The following LVRN variants were observed in gnomAD, a reference collection of about 807,000 sequenced individuals.
LVRN encodes aminopeptidase Q.
A neutral mutation model predicts 111.4 loss-of-function variants in LVRN; 99 were observed. The ratio of observed to expected loss-of-function variants is 0.89; its 90% CI spans 0.76 to 1.05. The LOEUF (loss-of-function observed/expected upper bound fraction) is 1.05, where lower values mean the gene tolerates loss of function less well. Among genes scored for constraint, LVRN ranks in the 50% least tolerant of loss-of-function variants. The pLI is 0.00. For missense variants in LVRN, 1,414 were observed against 1,206.8 expected (o/e 1.17, Z -2.54); for synonymous variants, 488 against 449.5 (o/e 1.09, Z -1.08).
chr5:115,975,292 C>G, intron 1 of LVRN: 1 of 354,352 alleles, frequency 2.8e-6, no homozygotes, highest in South Asian at 2.8e-5. Flanking sequence ...ACTTCTCAGG[C>G]TGACAAAGTT....
Position 116,023,091 on chromosome 5 carries a change from A to C in LVRN, c.2832+625A>C, listed in dbSNP as rs149666719. On this transcript the variant is annotated intron_variant, in intron 19 of 19. Coordinates refer to ENST00000357872, the MANE Select transcript of LVRN (RefSeq NM_173800.5). ...CTGGATAATTCCTAATCATCCTTTA[A>C]GATCCTGCTCCTATTACCTATTCTA... 3.1e-3 allele frequency among the ~76,000 whole-genome samples: 476 copies of C among 152,296 alleles called. 3 individuals are homozygous for C. The highest frequency in any genetic ancestry group is 6.8e-3 in the Middle Eastern group (2 of 294).
At position 116,015,773 on chromosome 5, in the gene LVRN, G is replaced by A. The variant is rs776498312; in HGVS notation, c.2756+8G>A. ...GCAAGCTGTGAGTAAAAGGTAAGAA[G>A]GAAAGTGAGACCTTTCTTTCATTTA... On this transcript the variant is annotated splice_region_variant and intron_variant, in intron 18 of 19. Transcript: ENST00000357872. The A allele has an allele frequency of 5.0e-6, 8 of 1,612,338 alleles. No individual in the cohort carries two copies. The South Asian group carries it at 8.8e-5, about 18-fold the overall frequency.
intron 15 of LVRN, among the ~76,000 whole-genome samples, chr5:116,013,524 G>A (rs1748533866): frequency 1.3e-5 from 2 of 152,152 alleles, no homozygotes; most frequent in Admixed American, 1.3e-4. Context: ...ACTCCAGCTT[G>A]TTGCTACCGG....
intron 16 of LVRN, 51 bp downstream of exon 16, chr5:116,014,578 C>G (rs748618904): frequency 6.8e-7 from 1 of 1,460,564 alleles, no homozygotes; most frequent in Non-Finnish European, 9.6e-7. Context: ...TTAGCACCAG[C>G]AATTTCCCTT....
At chr5:116,025,934 G>T (rs751152135) in intron 19 of LVRN, 44 bp from the exon 20 acceptor site, 2 of 1,603,794 alleles carry the variant, frequency 1.2e-6, no homozygotes, top group South Asian at 1.1e-5. Flanking sequence ...TTGTCCAAAT[G>T]GGAAGTTGGA....
Position 115,967,170 on chromosome 5 carries a change from C to A in LVRN, c.695+3858C>A, listed in dbSNP as rs1753220986. Among the ~76,000 whole-genome samples the A allele has an allele frequency of 2.0e-5, 3 of 151,940 alleles. No individual in the cohort carries two copies. The South Asian group carries it at 6.2e-4, about 32-fold the overall frequency. On this transcript the variant is annotated intron_variant, in intron 1 of 19. Transcript: ENST00000357872. ...GTTTTACTTTAATTTTGATGAAGTCCAATTTGTCTATTTTTTAATGGATCA... is the reference window on the plus strand; with the variant it reads ...GTTTTACTTTAATTTTGATGAAGTCAAATTTGTCTATTTTTTAATGGATCA...
chr5:116,005,763 C>T (rs747533777), intron 12 of LVRN, 149 bp from the exon 13 acceptor site: 1 of 705,818 alleles, frequency 1.4e-6, no homozygotes, highest in South Asian at 1.5e-5. Context: ...TGGGGACTGT[C>T]CTCAGTAATT....
chr5:116,009,921 G>T (rs143433854), intron 13 of LVRN, among the ~76,000 whole-genome samples: 14 of 152,316 alleles, frequency 9.2e-5, no homozygotes, highest in Non-Finnish European at 1.9e-4. Flanking sequence ...TGTGTGAGGG[G>T]ATTGACTCCA....
chr5:115,978,190 G>GT (rs898169655), intron 1 of LVRN, among the ~76,000 whole-genome samples: 78 of 152,244 alleles, frequency 5.1e-4, no homozygotes, highest in Non-Finnish European at 1.0e-4. Context: ...GAATTTGTAA[G>GT]TCTCAAAACG....
intron 1 of LVRN, chr5:115,974,803 AG>A: frequency 3.5e-6 from 1 of 285,138 alleles, no homozygotes. Flanking sequence ...TCAAGACCTC[AG>A]GATGTTATGT....
intron 18 of LVRN, chr5:116,020,059 C>T (rs1360397189): frequency 6.6e-6 from 1 of 152,250 alleles, no homozygotes; most frequent in Non-Finnish European, 1.5e-5. Flanking sequence ...TCCTAGAAAG[C>T]CTAATCTGGA....
At chr5:116,022,265 T>C (rs1748745591) in intron 18 of LVRN, 126 bp from the exon 19 acceptor site, 2 of 668,004 alleles carry the variant, frequency 3.0e-6, no homozygotes, top group Non-Finnish European at 5.3e-6. Flanking sequence ...TCATACATGT[T>C]TTTACTTAGA....
chr5:116,011,424 A>G (rs975080619), intron 14 of LVRN, among the ~76,000 whole-genome samples: 3 of 152,184 alleles, frequency 2.0e-5, no homozygotes, highest in African/African-American at 7.2e-5. Context: ...GAGAAATGAC[A>G]TGCCATAATA....
intron 1 of LVRN, among the ~76,000 whole-genome samples, chr5:115,965,058 T>C (rs1395331345): frequency 6.6e-6 from 1 of 152,174 alleles, no homozygotes; most frequent in East Asian, 1.9e-4. Context: ...CCTCTCTGAG[T>C]CTGTTTCCTC....
chr5:115,963,524 T>G (rs1304574373), intron 1 of LVRN, among the ~76,000 whole-genome samples: 1 of 152,192 alleles, frequency 6.6e-6, no homozygotes, highest in Non-Finnish European at 1.5e-5. Context: ...TTGTTACATA[T>G]GTATACGTGT....
intron 4 of LVRN, among the ~76,000 whole-genome samples, chr5:115,989,665 T>C (rs541720582): frequency 2.0e-5 from 3 of 152,286 alleles, no homozygotes; most frequent in African/African-American, 7.2e-5. Context: ...ACTAGTTCAG[T>C]AATTCCACGT....
intron 4 of LVRN, among the ~76,000 whole-genome samples, chr5:115,988,176 G>A (rs1277152812): frequency 6.6e-6 from 1 of 152,088 alleles, no homozygotes. Context: ...GACTTTTTAG[G>A]TCTCTCCTGG....
intron 4 of LVRN, among the ~76,000 whole-genome samples, chr5:115,988,434 A>T (rs2112578799): frequency 6.6e-6 from 1 of 152,280 alleles, no homozygotes; most frequent in East Asian, 1.9e-4. Context: ...TCATATGTGA[A>T]TATAATATGA....
At chr5:116,014,665 A>G (rs1748562307) in intron 16 of LVRN, 138 bp downstream of exon 16, 1 of 685,458 alleles carries the variant, frequency 1.5e-6, no homozygotes, top group Non-Finnish European at 2.5e-6. Context: ...CTTTTCAAAT[A>G]CCTTTTTTAA....
Sources: allele counts gnomAD v4.1 joint callset (sites outside exome capture counted in the v4.1 genomes callset), GRCh38; gene constraint gnomAD v4.1.1; transcripts MANE v1.5; gene names NCBI Gene and HGNC (gene_info 2026-07-23, HGNC 2026-07-21).